Variants in TAOK3 observed in about 807,000 individuals in gnomAD.
TAOK3 encodes the protein serine/threonine-protein kinase TAO3.
Under a neutral mutation model 120.4 loss-of-function variants are expected in TAOK3, and 40 were observed. The observed-to-expected ratio is 0.33, with a 90% CI of 0.26 to 0.43. TAOK3 has a LOEUF of 0.43. Ranked by LOEUF, TAOK3 falls within the 20% of genes least tolerant of loss-of-function variation. The pLI, the probability that TAOK3 is intolerant of heterozygous loss-of-function variation, is 1.00. For missense variants in TAOK3, 821 were observed against 1,112.1 expected (o/e 0.74, Z 3.72); for synonymous variants, 355 against 387.5 (o/e 0.92, Z 0.99).
chr12:118,189,042 A>T (rs891056152), intron 14 of TAOK3, among the ~76,000 whole-genome samples: 11 of 152,238 alleles, frequency 7.2e-5, no homozygotes, highest in Non-Finnish European at 1.6e-4. Flanking sequence ...AAGGGCATCC[A>T]GCAATCACAT....
intron 1 of TAOK3, among the ~76,000 whole-genome samples, chr12:118,365,760 G>T (rs562033544): frequency 1.3e-5 from 2 of 152,238 alleles, no homozygotes; most frequent in Admixed American, 1.3e-4. Flanking sequence ...TCACAAGCTA[G>T]TAAATAACAC....
At position 118,243,533 on chromosome 12, in the gene TAOK3, A is replaced by T; in HGVS notation, c.193-17T>A. ...TTGCCATTTCTATTGAAGTCAGAAA[A>T]GGAACATTTTAATTTAATTTTTGAT... is the stretch of plus-strand genomic sequence containing the variant. On this transcript the variant is annotated splice_polypyrimidine_tract_variant and intron_variant, in intron 4 of 20. Coordinates refer to ENST00000392533, the MANE Select transcript of TAOK3 (RefSeq NM_016281.4). 1 of 1,153,732 alleles carries T rather than the reference A, an allele frequency of 8.7e-7. No homozygotes were observed. Among genetic ancestry groups the T allele is most frequent in the East Asian group, 2.7e-5 (1 of 37,560 alleles). 71.5% of individuals were successfully genotyped at this position (1,153,732 alleles called of 1,614,324 possible). A position where few individuals can be genotyped will look rare whatever the true frequency, so the allele number is the denominator to read the frequency against.
chr12:118,339,734 T>G (rs920400750), intron 1 of TAOK3, among the ~76,000 whole-genome samples: 2 of 152,110 alleles, frequency 1.3e-5, no homozygotes, highest in African/African-American at 4.8e-5. Context: ...CTAATTTTTG[T>G]ATTTTTAGTA....
chr12:118,254,767 T>G (rs2040907547), intron 3 of TAOK3, among the ~76,000 whole-genome samples: 1 of 152,034 alleles, frequency 6.6e-6, no homozygotes, highest in South Asian at 2.1e-4. Flanking sequence ...CTTTTTTTTT[T>G]TATTTTTTGA....
intron 1 of TAOK3, among the ~76,000 whole-genome samples, chr12:118,361,153 A>T (rs1358646325): frequency 1.3e-5 from 2 of 152,202 alleles, no homozygotes; most frequent in East Asian, 3.8e-4. Context: ...TTCTCAAGGG[A>T]TAATGCCCCC....
intron 1 of TAOK3, among the ~76,000 whole-genome samples, chr12:118,309,019 C>T (rs917034458): frequency 2.7e-5 from 4 of 150,334 alleles, no homozygotes; most frequent in Admixed American, 6.6e-5. Context: ...TTTTCTTTCC[C>T]CTCTTTGAAT....
chr12:118,185,174 A>G lies in TAOK3; in HGVS notation c.1330-3567T>C, dbSNP rs1028835832. The stretch of plus-strand genomic sequence containing the variant: ...TATGTATAATTTCTGAATCTGAATT[A>G]TTACTTATTTCATGTATCTAGAATA... On this transcript the variant is annotated intron_variant, in intron 14 of 20. Coordinates refer to ENST00000392533, the MANE Select transcript of TAOK3 (RefSeq NM_016281.4). 3.1e-4 allele frequency among the ~76,000 whole-genome samples: 47 copies of G among 152,172 alleles called. 1 individual carries two copies. The highest frequency in any genetic ancestry group is 4.1e-4 in the South Asian group (2 of 4,830).
intron 1 of TAOK3, among the ~76,000 whole-genome samples, chr12:118,285,863 A>C (rs1487156297): frequency 1.3e-5 from 2 of 152,194 alleles, no homozygotes; most frequent in Admixed American, 1.3e-4. Context: ...ATCAATCAAC[A>C]TATGCAAGAT....
chr12:118,305,141 G>A (rs1478075592), intron 1 of TAOK3, among the ~76,000 whole-genome samples: 1 of 152,128 alleles, frequency 6.6e-6, no homozygotes, highest in Non-Finnish European at 1.5e-5. Context: ...ATAAGATAGT[G>A]TATGTAATGT....
intron 1 of TAOK3, among the ~76,000 whole-genome samples, chr12:118,360,425 G>A (rs1298079426): frequency 2.6e-5 from 4 of 151,348 alleles, no homozygotes; most frequent in Admixed American, 6.6e-5. Flanking sequence ...AAAATTAGCC[G>A]GGCATGGTGG....
intron 12 of TAOK3, chr12:118,200,492 T>C (rs1279521878): frequency 6.6e-6 from 1 of 152,166 alleles, no homozygotes; most frequent in Non-Finnish European, 1.5e-5. Context: ...TTTTTTCCTG[T>C]CTCCCTCTTA....
intron 1 of TAOK3, among the ~76,000 whole-genome samples, chr12:118,360,654 C>G (rs1159758133): frequency 6.6e-6 from 1 of 151,498 alleles, no homozygotes; most frequent in African/African-American, 2.4e-5. Flanking sequence ...ATTCTAGGCA[C>G]TAGGAATACA....
intron 1 of TAOK3, among the ~76,000 whole-genome samples, chr12:118,299,333 C>T (rs577125763): frequency 8.0e-4 from 122 of 152,064 alleles, no homozygotes; most frequent in African/African-American, 2.6e-3. Flanking sequence ...AACCTTTTGC[C>T]ATTTATAGCT....
intron 1 of TAOK3, among the ~76,000 whole-genome samples, chr12:118,321,169 G>C (rs1007688368): frequency 6.6e-6 from 1 of 151,994 alleles, no homozygotes; most frequent in African/African-American, 2.4e-5. Flanking sequence ...TTGTTTGGGG[G>C]CATCTATTTT....
intron 1 of TAOK3, among the ~76,000 whole-genome samples, chr12:118,369,977 C>G (rs780184746): frequency 6.6e-6 from 1 of 151,898 alleles, no homozygotes; most frequent in Non-Finnish European, 1.5e-5. Context: ...TGAGTTCAAG[C>G]GATTCCTCTG....
chr12:118,220,831 C>G (rs1414631436), intron 9 of TAOK3, among the ~76,000 whole-genome samples: 6 of 152,128 alleles, frequency 3.9e-5, no homozygotes, highest in Non-Finnish European at 5.9e-5. Flanking sequence ...TAAAGGTACT[C>G]TAACCATAGA....
At chr12:118,196,632 G>A (rs1049348387) in intron 13 of TAOK3, among the ~76,000 whole-genome samples, 2 of 152,142 alleles carry the variant, frequency 1.3e-5, no homozygotes, top group Non-Finnish European at 2.9e-5. Flanking sequence ...CGTTCTTATT[G>A]TGTTGGGTAC....
chr12:118,369,962 A>ACTCCTGAGTTCAAGCGATTCCTCTGC (rs1334789276), intron 1 of TAOK3, among the ~76,000 whole-genome samples: 2 of 151,730 alleles, frequency 1.3e-5, no homozygotes, highest in East Asian at 3.9e-4. Flanking sequence ...GCAACCTCTG[A>ACTCCTGAGTTCAAGCGATTCCTCTGC]CTCCTGAGTT....
chr12:118,323,045 A>G (rs1200486648), intron 1 of TAOK3, among the ~76,000 whole-genome samples: 1 of 152,064 alleles, frequency 6.6e-6, no homozygotes, highest in East Asian at 1.9e-4. Flanking sequence ...GGTTATACTA[A>G]AACAGGCAGC....
Sources: gnomAD v4.1 joint callset for allele counts (sites outside exome capture counted in the v4.1 genomes callset) on GRCh38, gnomAD v4.1.1 for gene constraint, MANE v1.5 for transcripts, NCBI Gene and HGNC (gene_info 2026-07-23, HGNC 2026-07-21) for gene names.